Variants in PPP3CA observed in about 807,000 individuals in gnomAD.
The protein encoded by PPP3CA is protein phosphatase 3 catalytic subunit alpha.
Under a neutral mutation model 66.5 loss-of-function variants are expected in PPP3CA, and 14 were observed. That is an observed-to-expected ratio of 0.21 (90% CI 0.14 to 0.33). The LOEUF (loss-of-function observed/expected upper bound fraction) is 0.33, where lower values mean the gene tolerates loss of function less well. Among genes scored for constraint, PPP3CA ranks in the 10% least tolerant of loss-of-function variants. PPP3CA has a pLI of 1.00. For missense variants in PPP3CA, 317 were observed against 639.5 expected (o/e 0.50, Z 5.44); for synonymous variants, 232 against 226.2 (o/e 1.03, Z -0.23).
chr4:101,218,804 G>A (rs1411496927), intron 1 of PPP3CA, among the ~76,000 whole-genome samples: 4 of 152,074 alleles, frequency 2.6e-5, no homozygotes, highest in Admixed American at 1.3e-4. Flanking sequence ...AAGAAAAAGT[G>A]GCAAGTTTTA....
At chr4:101,168,790 T>C (rs1244554488) in intron 2 of PPP3CA, among the ~76,000 whole-genome samples, 1 of 152,182 alleles carries the variant, frequency 6.6e-6, no homozygotes, top group Non-Finnish European at 1.5e-5. Flanking sequence ...AATTAGTTTT[T>C]AGGAGCTATG....
chr4:101,223,863 A>G (rs1725700477), intron 1 of PPP3CA, among the ~76,000 whole-genome samples: 1 of 151,880 alleles, frequency 6.6e-6, no homozygotes, highest in Non-Finnish European at 1.5e-5. Flanking sequence ...AAACTTCAAT[A>G]TAAACATCTC....
chr4:101,024,393 C>T lies in PPP3CA; in HGVS notation c.*1472G>A, dbSNP rs1448757099. The T allele has an allele frequency of 6.6e-6, 1 of 152,622 alleles. No individual in the cohort carries two copies. Among genetic ancestry groups the T allele is most frequent in the East Asian group, 1.9e-4 (1 of 5,198 alleles). 9.5% of individuals were successfully genotyped at this position (152,622 alleles called of 1,614,324 possible). ...TTTTTCTTTTTCATTGTTACAAGTG[C>T]ATGCTTTGATTGCCAACATGTCAGA... On this transcript the variant is annotated 3_prime_UTR_variant, in exon 14 of 14. Coordinates refer to ENST00000394854, the MANE Select transcript of PPP3CA (RefSeq NM_000944.5).
At chr4:101,209,001 T>C (rs990071554) in intron 1 of PPP3CA, among the ~76,000 whole-genome samples, 53 of 152,282 alleles carry the variant, frequency 3.5e-4, no homozygotes, top group African/African-American at 1.2e-3. Context: ...TAAAAGCAAC[T>C]TTCCTTTATA....
At chr4:101,038,374 CT>C (rs751990204) in intron 11 of PPP3CA, among the ~76,000 whole-genome samples, 178 of 142,784 alleles carry the variant, frequency 1.2e-3, no homozygotes, top group Non-Finnish European at 1.2e-3. Flanking sequence ...CTTTTTTTTT[CT>C]TTTTTTTTTT....
chr4:101,265,269 A>C (rs941674885), intron 1 of PPP3CA, among the ~76,000 whole-genome samples: 2 of 151,666 alleles, frequency 1.3e-5, no homozygotes, highest in African/African-American at 2.4e-5. Context: ...CTACTCTTTT[A>C]TTTATTTTTT....
chr4:101,311,164 G>A (rs1728709210), intron 1 of PPP3CA, among the ~76,000 whole-genome samples: 1 of 152,136 alleles, frequency 6.6e-6, no homozygotes. Context: ...TAAAAGTTAT[G>A]TAAACACAAT....
intron 1 of PPP3CA, among the ~76,000 whole-genome samples, chr4:101,259,156 A>G (rs2110253491): frequency 6.6e-6 from 1 of 152,182 alleles, no homozygotes; most frequent in African/African-American, 2.4e-5. Context: ...CTCTATCATC[A>G]TTCCTCTCCA....
At chr4:101,215,468 C>T (rs549860482) in intron 1 of PPP3CA, among the ~76,000 whole-genome samples, 303 of 151,996 alleles carry the variant, frequency 2.0e-3, no homozygotes, top group Non-Finnish European at 3.5e-3. Flanking sequence ...AGGAATCAAG[C>T]GAAAGTTTTC....
chr4:101,260,515 T>C (rs896511992), intron 1 of PPP3CA, among the ~76,000 whole-genome samples: 1 of 152,152 alleles, frequency 6.6e-6, no homozygotes, highest in Non-Finnish European at 1.5e-5. Flanking sequence ...CCAAGATCTC[T>C]ATGGAATGAC....
At position 101,170,793 on chromosome 4, in the gene PPP3CA, T is replaced by C. The variant is rs558902069; in HGVS notation, c.259+25123A>G. Among the ~76,000 whole-genome samples the C allele has an allele frequency of 2.0e-5, 3 of 152,294 alleles. No individual in the cohort carries two copies. In the East Asian group the frequency reaches 5.8e-4, roughly 29 times the overall value. On this transcript the variant is annotated intron_variant, in intron 2 of 13. Transcript: ENST00000394854. ...TAATCATTCTTATCTGTTCCCCAAATATCTTAAGCTTTCAAAATTCATTCA... is the reference window on the plus strand; with the variant it reads ...TAATCATTCTTATCTGTTCCCCAAACATCTTAAGCTTTCAAAATTCATTCA...
At chr4:101,102,230 AGGAG>A (rs1022682514) in intron 3 of PPP3CA, among the ~76,000 whole-genome samples, 13 of 143,126 alleles carry the variant, frequency 9.1e-5, no homozygotes, top group Admixed American at 2.1e-4. Context: ...AAGGAAAGAA[AGGAG>A]GGAGGGAGGC....
At chr4:101,222,620 A>T (rs1242179022) in intron 1 of PPP3CA, among the ~76,000 whole-genome samples, 1 of 151,682 alleles carries the variant, frequency 6.6e-6, no homozygotes, top group African/African-American at 2.4e-5. Context: ...GGTCATAACT[A>T]TCTATTGGCA....
At chr4:101,203,854 T>C (rs961415341) in intron 1 of PPP3CA, among the ~76,000 whole-genome samples, 4 of 152,240 alleles carry the variant, frequency 2.6e-5, no homozygotes, top group South Asian at 2.1e-4. Flanking sequence ...AAATGGCTTA[T>C]ATAATGAATT....
intron 1 of PPP3CA, among the ~76,000 whole-genome samples, chr4:101,305,707 C>A (rs1728513062): frequency 6.6e-6 from 1 of 152,134 alleles, no homozygotes; most frequent in African/African-American, 2.4e-5. Flanking sequence ...TATTCAACAG[C>A]AATTTCAGAA....
chr4:101,135,484 G>A lies in PPP3CA; in HGVS notation c.260-26406C>T, dbSNP rs774368011. The stretch of plus-strand genomic sequence containing the variant: ...TGAAACACTGTTTTATAAGAAAAAC[G>A]GAGGCTACCTGGTCTAAAAAACAGA... On this transcript the variant is annotated intron_variant, in intron 2 of 13. Coordinates refer to ENST00000394854, the MANE Select transcript of PPP3CA (RefSeq NM_000944.5). 5.9e-5 allele frequency among the ~76,000 whole-genome samples: 9 copies of A among 152,196 alleles called. No homozygotes were observed. In the South Asian group the frequency reaches 1.4e-3, roughly 24 times the overall value.
In PPP3CA at chr4:101,032,248, T is replaced by A; in HGVS notation, c.1339+19A>T. 1 of 1,569,454 alleles carries A rather than the reference T, an allele frequency of 6.4e-7. No individual in the cohort carries two copies. Among genetic ancestry groups the A allele is most frequent in the Non-Finnish European group, 8.7e-7 (1 of 1,155,182 alleles). On this transcript the variant is annotated intron_variant, in intron 12 of 13. Coordinates refer to ENST00000394854, the MANE Select transcript of PPP3CA (RefSeq NM_000944.5). The stretch of plus-strand genomic sequence containing the variant: ...ACTGCGATGCCCCAGCACACAGTCA[T>A]ACCCATCAGCCTGCTTACCGCTTTG...
At chr4:101,282,441 G>A (rs189172733) in intron 1 of PPP3CA, among the ~76,000 whole-genome samples, 5 of 152,294 alleles carry the variant, frequency 3.3e-5, no homozygotes, top group Non-Finnish European at 5.9e-5. Context: ...GGACTTACCT[G>A]ATAGGTCCTG....
intron 6 of PPP3CA, among the ~76,000 whole-genome samples, chr4:101,087,304 G>C (rs1416040091): frequency 6.6e-6 from 1 of 152,134 alleles, no homozygotes; most frequent in African/African-American, 2.4e-5. Flanking sequence ...TTCAGAAGTG[G>C]CAAGCAATTT....
Sources: allele counts gnomAD v4.1 joint callset (sites outside exome capture counted in the v4.1 genomes callset), GRCh38; gene constraint gnomAD v4.1.1; transcripts MANE v1.5; gene names NCBI Gene and HGNC (gene_info 2026-07-23, HGNC 2026-07-21).